The following OTOF variants were observed in gnomAD, a reference collection of about 807,000 sequenced individuals.
OTOF encodes otoferlin.
OTOF carries 218 observed loss-of-function variants against 236.8 expected under a neutral mutation model. The observed-to-expected ratio is 0.92, with a 90% confidence interval of 0.82 to 1.03. OTOF has a LOEUF of 1.03. Among genes scored for constraint, OTOF ranks in the 50% least tolerant of loss-of-function variants. The probability of loss-of-function intolerance (pLI) is 0.00; values close to 1 mark genes in which losing one functional copy is unlikely to be tolerated. For synonymous variants in OTOF, 1,041 were observed against 1,072.5 expected (o/e 0.97, Z 0.57); for missense variants, 2,590 against 2,694.4 (o/e 0.96, Z 0.86).
chr2:26,523,602 G>T (rs112054743), intron 3 of OTOF, among the ~76,000 whole-genome samples: 1 of 152,146 alleles, frequency 6.6e-6, no homozygotes, highest in Admixed American at 6.5e-5. Context: ...CAGAGAAGAG[G>T]GGCCACTCCG....
At chr2:26,459,405 A>G (rs1406902791) in intron 46 of OTOF, among the ~76,000 whole-genome samples, 3 of 152,042 alleles carry the variant, frequency 2.0e-5, no homozygotes, top group African/African-American at 7.3e-5. Context: ...ACAAAAAATT[A>G]TCCAGGCGTG....
intron 5 of OTOF, among the ~76,000 whole-genome samples, chr2:26,509,715 CA>C (rs950166787): frequency 3.4e-4 from 52 of 152,158 alleles, no homozygotes; most frequent in African/African-American, 1.2e-3. Context: ...CTCTGGGGCT[CA>C]GGTTGCTTAT....
At position 26,483,614 on chromosome 2, in the gene OTOF, G is replaced by A. The variant is rs757508030; in HGVS notation, c.1240C>T (p.Arg414Cys). The A allele has an allele frequency of 1.5e-5, 24 of 1,612,996 alleles. No individual in the cohort carries two copies. The highest frequency in any genetic ancestry group is 8.9e-5 in the East Asian group (4 of 44,888). Reference protein sequence around the residue: ...LLLPEGVPPERQWARFYVKIY... With the variant: ...LLLPEGVPPECQWARFYVKIY... ...TTCACATAGAACCGGGCCCACTGGC[G>A]TTCGGGGGGCACCCCCTCGGGGAGC... The change falls in exon 13 of 47, where the codon CGC becomes TGC. Residue 414 changes from arginine (R) to cysteine (C), a missense_variant. Arg to Cys is a radical substitution (Grantham distance 180). Coordinates refer to ENST00000272371, the MANE Select transcript of OTOF (RefSeq NM_194248.3).
chr2:26,462,916 C>T lies in OTOF; in HGVS notation c.5192+567G>A, dbSNP rs1349436457. On this transcript the variant is annotated intron_variant, in intron 41 of 46. Transcript: ENST00000272371. This position sits in a 1 kb window ranked among gnomAD's most constrained non-coding sequence, Gnocchi z 4.7. Reference sequence around the variant, plus strand: ...GTCTGACAGCTGGACTTGAACCTGCCGCTTTATGGATGGGAAACCCGGGTT... The same window carrying T: ...GTCTGACAGCTGGACTTGAACCTGCTGCTTTATGGATGGGAAACCCGGGTT... 6.6e-6 allele frequency among the ~76,000 whole-genome samples: 1 copy of T among 152,166 alleles called. No homozygotes were observed. The highest frequency in any genetic ancestry group is 1.5e-5 in the Non-Finnish European group (1 of 68,040).
At chr2:26,501,442 G>T (rs1221447349) in intron 8 of OTOF, among the ~76,000 whole-genome samples, 1 of 152,150 alleles carries the variant, frequency 6.6e-6, no homozygotes, top group Admixed American at 6.5e-5. Flanking sequence ...CTTTTTTGTA[G>T]TTCTTGGTCT....
Position 26,527,950 on chromosome 2 carries a change from G to C in OTOF, c.139-30C>G, listed in dbSNP as rs779149172. 8 of 1,546,516 alleles carry C rather than the reference G, an allele frequency of 5.2e-6. 1 individual carries two copies. In the South Asian group the frequency reaches 8.9e-5, roughly 17 times the overall value. ...GGAGAGAGGGACAACTGCGGCTTCGGTGGCAATAACAGGTAGGAGCCGTGG... is the reference window on the plus strand; with the variant it reads ...GGAGAGAGGGACAACTGCGGCTTCGCTGGCAATAACAGGTAGGAGCCGTGG... On this transcript the variant is annotated intron_variant, in intron 2 of 46. Transcript: ENST00000272371.
intron 1 of OTOF, among the ~76,000 whole-genome samples, chr2:26,555,728 T>C (rs1667570508): frequency 6.6e-6 from 1 of 151,760 alleles, no homozygotes. Flanking sequence ...TTAGACGTGC[T>C]CTCCTCTTCC....
chr2:26,557,765 C>T (rs975589768), intron 1 of OTOF, among the ~76,000 whole-genome samples: 6 of 151,800 alleles, frequency 4.0e-5, no homozygotes, highest in African/African-American at 1.5e-4. Context: ...GCTTCTGTAG[C>T]TTGCATGCTG....
intron 2 of OTOF, among the ~76,000 whole-genome samples, chr2:26,529,536 T>C (rs1253472707): frequency 2.6e-5 from 4 of 152,178 alleles, no homozygotes; most frequent in Non-Finnish European, 5.9e-5. Context: ...ACTCTGTTGC[T>C]GGCTGAGCAG....
rs750259905 is a variant in OTOF, at chr2:26,477,874, T to A, written c.2215-125A>T. ...GATCTGGGAGCTCTCGCTAGGGCCA[T>A]CCTGAGTATCGGTCATCATGAGGAA... On this transcript the variant is annotated intron_variant, in intron 18 of 46. Coordinates refer to ENST00000272371, the MANE Select transcript of OTOF (RefSeq NM_194248.3). This position sits in a 1 kb window ranked among gnomAD's most constrained non-coding sequence, Gnocchi z 4.7. 6.4e-6 allele frequency: 10 copies of A among 1,550,696 alleles called. No individual in the cohort carries two copies. The highest frequency in any genetic ancestry group is 8.7e-6 in the Non-Finnish European group (10 of 1,147,000).
At chr2:26,519,443 G>A (rs1037902743) in intron 3 of OTOF, among the ~76,000 whole-genome samples, 3 of 152,216 alleles carry the variant, frequency 2.0e-5, no homozygotes, top group African/African-American at 7.2e-5. Context: ...TGCTCAGTGT[G>A]GAGGCTGGGA....
chr2:26,514,160 C>T (rs1455182592), intron 5 of OTOF, among the ~76,000 whole-genome samples: 1 of 152,276 alleles, frequency 6.6e-6, no homozygotes, highest in Non-Finnish European at 1.5e-5. Context: ...AGCAGCGATG[C>T]CTGTCCCCAA....
At chr2:26,463,190 G>A (rs116461475) in intron 41 of OTOF, among the ~76,000 whole-genome samples, 2,848 of 152,310 alleles carry the variant, frequency 0.019, 80 homozygotes, top group African/African-American at 0.065. Context: ...CGCGTAGACC[G>A]TGTAGATACA....
In OTOF at chr2:26,482,442, TG is replaced by T; in HGVS notation, c.1542del (p.Phe514LeufsTer24). On this transcript the variant is annotated frameshift_variant, in exon 14 of 47. Transcript: ENST00000272371. LOFTEE classifies it high-confidence loss of function. ...TCATTAGAAATCTTGCGCAGGTCAA[TG>T]AAGTGGGTGCCGATGGCCACGTCGT... ...KVNDVAIGTH[F>X]IDLRKISNDG... 1 of 1,613,360 alleles carries T rather than the reference TG, an allele frequency of 6.2e-7. No homozygotes were observed.
intron 9 of OTOF, among the ~76,000 whole-genome samples, chr2:26,491,007 C>A (rs13413547): frequency 0.02 from 3,070 of 152,210 alleles, 99 homozygotes; most frequent in African/African-American, 0.069. Context: ...TAACTGACAC[C>A]TTGGAGATGG....
rs752417657 is a variant in OTOF, at chr2:26,475,974, G to A, written c.2931C>T (p.Ser977=). The stretch of plus-strand genomic sequence containing the variant: ...GGGCAAAGGGGTCTGAGAGTCCGCT[G>A]CTGTCGGCGGCAAAGAGGCTGCGGG... The part of the protein sequence containing the change: ...YQARSLFAAD[S]SGLSDPFARV... The change falls in exon 24 of 47, where the codon AGC becomes AGT. Residue 977 remains serine (S), a synonymous_variant. Transcript: ENST00000272371. 1.6e-5 allele frequency: 26 copies of A among 1,612,530 alleles called. No individual in the cohort carries two copies. Among genetic ancestry groups the A allele is most frequent in the Non-Finnish European group, 2.2e-5 (26 of 1,179,850 alleles).
intron 1 of OTOF, among the ~76,000 whole-genome samples, chr2:26,546,235 T>C (rs13413928): frequency 0.25 from 38,293 of 151,848 alleles, 6,724 homozygotes; most frequent in African/African-American, 0.5. Flanking sequence ...CCGAGGCTGG[T>C]GGATCACTTG....
rs1433741292 is a variant in OTOF at position 26,475,984 on chromosome 2, G to A, written c.2921C>T (p.Ala974Val). ...AHMYQARSLF[A>V]ADSSGLSDPF... ...GTCTGAGAGTCCGCTGCTGTCGGCG[G>A]CAAAGAGGCTGCGGGCCTGGTACAT... is the stretch of plus-strand genomic sequence containing the variant. The change falls in exon 24 of 47, where the codon GCC becomes GTC. Residue 974 changes from alanine (A) to valine (V), a missense_variant. Ala to Val is a moderately conservative substitution (Grantham distance 64, BLOSUM62 0). Coordinates refer to ENST00000272371, the MANE Select transcript of OTOF (RefSeq NM_194248.3). The A allele has an allele frequency of 2.5e-6, 4 of 1,612,526 alleles. No homozygotes were observed. Among genetic ancestry groups the A allele is most frequent in the South Asian group, 1.1e-5 (1 of 90,958 alleles).
intron 11 of OTOF, among the ~76,000 whole-genome samples, chr2:26,486,808 T>G (rs1665712009): frequency 6.6e-6 from 1 of 152,190 alleles, no homozygotes; most frequent in Non-Finnish European, 1.5e-5. Flanking sequence ...GTCCTAATAC[T>G]GTGTGATCTC....
Sources: gnomAD v4.1 joint callset for allele counts (sites outside exome capture counted in the v4.1 genomes callset) on GRCh38, gnomAD v4.1.1 for gene constraint, Gnocchi (gnomAD v3.1) non-coding constraint, MANE v1.5 for transcripts, NCBI Gene and HGNC (gene_info 2026-07-23, HGNC 2026-07-21) for gene names.